Variants in ICA1 observed in about 807,000 individuals in gnomAD.
ICA1 encodes islet cell autoantigen 1.
Under a neutral mutation model 71.0 loss-of-function variants are expected in ICA1, and 40 were observed. That is an observed-to-expected ratio of 0.56 (90% CI 0.44 to 0.73). The LOEUF is 0.73. Among genes scored for constraint, ICA1 ranks in the 30% least tolerant of loss-of-function variants. The pLI is 0.00. For missense variants in ICA1, 578 were observed against 576.5 expected (o/e 1.00, Z -0.03); for synonymous variants, 207 against 209.5 (o/e 0.99, Z 0.10).
In ICA1 at chr7:8,130,161, G is replaced by A. The variant is rs1484305572; in HGVS notation, c.1061-2019C>T. 6.6e-5 allele frequency among the ~76,000 whole-genome samples: 10 copies of A among 152,266 alleles called. No individual in the cohort carries two copies. The highest frequency in any genetic ancestry group is 1.9e-4 in the East Asian group (1 of 5,180). Reference sequence around the variant, plus strand: ...GCTGCTAGTGCCGCAATAAACATACGTGGGCATGTGTCTTTATAGCAGCAT... The same window carrying A: ...GCTGCTAGTGCCGCAATAAACATACATGGGCATGTGTCTTTATAGCAGCAT... On this transcript the variant is annotated intron_variant, in intron 12 of 13. Transcript: ENST00000402384. The surrounding 1 kb of genome is among the most constrained non-coding windows in gnomAD (Gnocchi z 4.2).
At chr7:8,256,367 C>A (rs776239791) in intron 1 of ICA1, among the ~76,000 whole-genome samples, 3 of 152,114 alleles carry the variant, frequency 2.0e-5, no homozygotes, top group South Asian at 2.1e-4. Flanking sequence ...TCCCTTCCCC[C>A]CAAATCTTAC....
At chr7:8,122,350 A>G (rs1281834514) in intron 13 of ICA1, among the ~76,000 whole-genome samples, 1 of 152,218 alleles carries the variant, frequency 6.6e-6, no homozygotes, top group Non-Finnish European at 1.5e-5. Context: ...CCTTATTCAA[A>G]TGGTGGAACA....
intron 1 of ICA1, among the ~76,000 whole-genome samples, chr7:8,260,413 G>T (rs972839967): frequency 6.6e-6 from 1 of 152,128 alleles, no homozygotes; most frequent in East Asian, 1.9e-4. Context: ...AAACCACCCA[G>T]GCAATTACCA....
intron 6 of ICA1, among the ~76,000 whole-genome samples, chr7:8,185,091 A>C (rs9719141): frequency 6.6e-6 from 1 of 152,030 alleles, no homozygotes; most frequent in South Asian, 2.1e-4. Context: ...AAAAAAAAAA[A>C]GGAAAAAAGG....
At chr7:8,244,130 G>A (rs2128497763) in intron 1 of ICA1, among the ~76,000 whole-genome samples, 1 of 152,270 alleles carries the variant, frequency 6.6e-6, no homozygotes, top group East Asian at 1.9e-4. Context: ...AACAAACCTG[G>A]AGGCATCACG....
At chr7:8,159,737 A>G (rs1803029468) in intron 6 of ICA1, among the ~76,000 whole-genome samples, 1 of 152,116 alleles carries the variant, frequency 6.6e-6, no homozygotes, top group Middle Eastern at 3.2e-3. Flanking sequence ...ACAAAACCAA[A>G]AAACAAAACA....
intron 1 of ICA1, among the ~76,000 whole-genome samples, chr7:8,258,553 G>A (rs555031970): frequency 3.3e-5 from 5 of 152,212 alleles, no homozygotes; most frequent in South Asian, 2.1e-4. Flanking sequence ...CTCGCAATAC[G>A]GCCAAGTTGA....
intron 2 of ICA1, among the ~76,000 whole-genome samples, chr7:8,233,087 C>T (rs1231127470): frequency 1.3e-5 from 2 of 152,102 alleles, no homozygotes; most frequent in East Asian, 1.9e-4. Flanking sequence ...GTGACTGGCC[C>T]AAGTTACCTC....
chr7:8,252,377 G>A (rs1808473564), intron 1 of ICA1, among the ~76,000 whole-genome samples: 1 of 152,124 alleles, frequency 6.6e-6, no homozygotes, highest in African/African-American at 2.4e-5. Context: ...ATATTTTATT[G>A]GGATCAAATT....
intron 13 of ICA1, 45 bp downstream of exon 13, chr7:8,127,828 G>C (rs1789842985): frequency 6.5e-7 from 1 of 1,534,092 alleles, no homozygotes; most frequent in Non-Finnish European, 8.8e-7. Flanking sequence ...AAAACAAAAA[G>C]AATGAACAAA....
intron 6 of ICA1, among the ~76,000 whole-genome samples, chr7:8,212,863 A>G (rs1794257045): frequency 6.6e-6 from 1 of 152,184 alleles, no homozygotes. Context: ...AATTTTTGCT[A>G]TTTACCAAGT....
chr7:8,238,575 A>G (rs1802633576), intron 1 of ICA1, among the ~76,000 whole-genome samples: 1 of 152,130 alleles, frequency 6.6e-6, no homozygotes, highest in African/African-American at 2.4e-5. Flanking sequence ...TGGTTTGCAA[A>G]TATTTTCTCA....
intron 10 of ICA1, 46 bp downstream of exon 10, chr7:8,141,719 T>C: frequency 2.5e-6 from 3 of 1,179,096 alleles, no homozygotes; most frequent in Non-Finnish European, 3.7e-6. Context: ...CTGTTAAGCA[T>C]TAAGTAATAT....
chr7:8,255,516 G>A (rs1479331144), intron 1 of ICA1, among the ~76,000 whole-genome samples: 1 of 152,082 alleles, frequency 6.6e-6, no homozygotes, highest in Admixed American at 6.5e-5. Flanking sequence ...CTCATTAGGT[G>A]AGGCCACTTC....
chr7:8,128,259 C>A, intron 12 of ICA1, 117 bp from the exon 13 acceptor site: 1 of 1,026,198 alleles, frequency 9.7e-7, no homozygotes. Flanking sequence ...AGAAAAATGT[C>A]ATCAAAATAT....
chr7:8,196,668 A>G (rs1787697533), intron 6 of ICA1, among the ~76,000 whole-genome samples: 1 of 152,056 alleles, frequency 6.6e-6, no homozygotes, highest in African/African-American at 2.4e-5. Flanking sequence ...GTATCTTTCA[A>G]TTTTGCTGGG....
At chr7:8,192,946 G>T (rs1347633653) in intron 6 of ICA1, among the ~76,000 whole-genome samples, 1 of 152,214 alleles carries the variant, frequency 6.6e-6, no homozygotes, top group Non-Finnish European at 1.5e-5. Flanking sequence ...TTTTTGGCAT[G>T]ACATGATGTT....
At chr7:8,163,860 CTTG>C (rs1252630874) in intron 6 of ICA1, among the ~76,000 whole-genome samples, 1 of 152,124 alleles carries the variant, frequency 6.6e-6, no homozygotes, top group Non-Finnish European at 1.5e-5. Context: ...GGAGCAGCAC[CTTG>C]TTGGCGTGCT....
chr7:8,147,639 T>C (rs1797476138), intron 8 of ICA1, among the ~76,000 whole-genome samples: 2 of 150,368 alleles, frequency 1.3e-5, no homozygotes, highest in South Asian at 4.2e-4. Flanking sequence ...AAATTGATAC[T>C]GAGCACATGG....
Sources: allele counts gnomAD v4.1 joint callset (sites outside exome capture counted in the v4.1 genomes callset), GRCh38; gene constraint gnomAD v4.1.1; non-coding constraint Gnocchi (gnomAD v3.1); transcripts MANE v1.5; gene names NCBI Gene and HGNC (gene_info 2026-07-23, HGNC 2026-07-21).